DLGAP2: variants seen among roughly 807,000 people sequenced by gnomAD.
DLGAP2 encodes the protein disks large-associated protein 2.
In DLGAP2, 26 loss-of-function variants were observed where a neutral mutation model predicts 100.3. The observed-to-expected ratio is 0.26, with a 90% CI of 0.19 to 0.36. DLGAP2 has a LOEUF of 0.36. Ranked by LOEUF, DLGAP2 falls within the 10% of genes least tolerant of loss-of-function variation. DLGAP2 has a pLI of 1.00. For synonymous variants in DLGAP2, 886 were observed against 630.1 expected, an observed-to-expected ratio of 1.41 and a Z score of -6.08; for missense variants, 1,858 against 1,453.2, an observed-to-expected ratio of 1.28 and a Z score of -4.53.
At chr8:1,000,742 C>A (rs534534177) in intron 2 of DLGAP2, among the ~76,000 whole-genome samples, 1 of 152,144 alleles carries the variant, frequency 6.6e-6, no homozygotes, top group Non-Finnish European at 1.5e-5. Context: ...TACTCAACGT[C>A]GACTGCAGGG....
intron 2 of DLGAP2, among the ~76,000 whole-genome samples, chr8:1,119,864 G>T (rs1243788934): frequency 6.6e-6 from 1 of 152,176 alleles, no homozygotes; most frequent in Non-Finnish European, 1.5e-5. Context: ...ACAGTGAATG[G>T]GGTCCAGCAC....
intron 8 of DLGAP2, among the ~76,000 whole-genome samples, chr8:1,652,123 A>G (rs1798181033): frequency 6.6e-6 from 1 of 152,196 alleles, no homozygotes. Flanking sequence ...TTCTTTCCTA[A>G]ATGATTCCAT....
chr8:995,797 T>G (rs1482624473), intron 2 of DLGAP2, among the ~76,000 whole-genome samples: 1 of 151,766 alleles, frequency 6.6e-6, no homozygotes, highest in Non-Finnish European at 1.5e-5. Context: ...TCCCCCTGTT[T>G]GGTGATGCTG....
At chr8:1,480,686 C>CTAA (rs1187273409) in intron 3 of DLGAP2, among the ~76,000 whole-genome samples, 2 of 148,386 alleles carry the variant, frequency 1.3e-5, no homozygotes, top group African/African-American at 5.0e-5. Flanking sequence ...CCCATCTCTA[C>CTAA]TAATAATAAT....
In DLGAP2 at chr8:1,199,720, G is replaced by T. The variant is rs77522054; in HGVS notation, c.74-59131G>T. ...ATTTGCACTCGGTGGCTCTCACTCG[G>T]GCTGAATGTTTGTATCTAGGACACT... On this transcript the variant is annotated intron_variant, in intron 2 of 14. Coordinates refer to ENST00000637795, the MANE Select transcript of DLGAP2 (RefSeq NM_001346810.2). Among the ~76,000 whole-genome samples, 1,175 of 152,252 alleles carry T rather than the reference G, an allele frequency of 7.7e-3. 17 individuals carry two copies. The highest frequency in any genetic ancestry group is 0.026 in the African/African-American group (1,099 of 41,550).
intron 1 of DLGAP2, among the ~76,000 whole-genome samples, chr8:856,603 A>G (rs975103992): frequency 4.6e-5 from 7 of 152,358 alleles, no homozygotes; most frequent in African/African-American, 1.7e-4. Flanking sequence ...AGAATTTGAG[A>G]TTGAAAACAC....
intron 1 of DLGAP2, among the ~76,000 whole-genome samples, chr8:745,890 G>A (rs1006074074): frequency 4.6e-5 from 7 of 152,192 alleles, no homozygotes; most frequent in Non-Finnish European, 1.0e-4. Flanking sequence ...GAAGGATACC[G>A]ACTCCAGAAA....
At chr8:831,922 T>C (rs927535964) in intron 1 of DLGAP2, among the ~76,000 whole-genome samples, 4 of 152,176 alleles carry the variant, frequency 2.6e-5, no homozygotes, top group Admixed American at 2.6e-4. Context: ...TGGCGTGAGA[T>C]GGTATCTCAT....
rs1470815073 is a variant in DLGAP2, at chr8:1,668,567, G to C, written c.2049G>C (p.Gln683His). The C allele has an allele frequency of 1.3e-6, 2 of 1,591,812 alleles. No homozygotes were observed. The highest frequency in any genetic ancestry group is 8.5e-7 in the Non-Finnish European group (1 of 1,170,668). The change falls in exon 9 of 15, where the codon CAG becomes CAC. Residue 683 changes from glutamine to histidine, a missense_variant. By Grantham distance (24) the Gln-to-His change is conservative (BLOSUM62 0). Coordinates refer to ENST00000637795, the MANE Select transcript of DLGAP2 (RefSeq NM_001346810.2). ...MNLALETAAA[Q>H]RHLPESQSSS... Reference sequence around the variant, plus strand: ...TCGCGCTGGAAACGGCCGCTGCCCAGCGCCACCTGCCAGAGAGCCAGAGCA... The same window carrying C: ...TCGCGCTGGAAACGGCCGCTGCCCACCGCCACCTGCCAGAGAGCCAGAGCA...
intron 6 of DLGAP2, among the ~76,000 whole-genome samples, chr8:1,601,912 G>C (rs1046461417): frequency 1.3e-5 from 2 of 151,000 alleles, no homozygotes; most frequent in African/African-American, 2.4e-5. Flanking sequence ...TAGCTATGTA[G>C]TCACTTTTGA....
At chr8:1,623,692 GCACA>G (rs1797416065) in intron 6 of DLGAP2, among the ~76,000 whole-genome samples, 2 of 152,258 alleles carry the variant, frequency 1.3e-5, no homozygotes, top group Non-Finnish European at 2.9e-5. Context: ...TGGCACCAGT[GCACA>G]ATGACCTTGC....
At position 1,018,621 on chromosome 8, in the gene DLGAP2, C is replaced by T. The variant is rs79342419; in HGVS notation, c.73+110655C>T. 3.3e-3 allele frequency: 510 copies of T among 152,356 alleles called. 3 individuals carry two copies. The highest frequency in any genetic ancestry group is 0.012 in the African/African-American group (485 of 41,578). The allele number at this position is 152,356 out of a possible 1,614,324, so 9.4% of individuals were successfully genotyped here. A position where few individuals can be genotyped will look rare whatever the true frequency, so the allele number is the denominator to read the frequency against. On this transcript the variant is annotated intron_variant, in intron 2 of 14. Transcript: ENST00000637795. Reference sequence around the variant, plus strand: ...GCAGAAATTAAAGTTTATCTGTCCTCATAATTACGTTGAGGTCTCCTACAT... The same window carrying T: ...GCAGAAATTAAAGTTTATCTGTCCTTATAATTACGTTGAGGTCTCCTACAT...
chr8:1,490,655 T>C (rs1799352171), intron 3 of DLGAP2, among the ~76,000 whole-genome samples: 1 of 152,158 alleles, frequency 6.6e-6, no homozygotes, highest in Admixed American at 6.5e-5. Flanking sequence ...TCCTCCCTTA[T>C]TGGTGGCCTC....
intron 3 of DLGAP2, among the ~76,000 whole-genome samples, chr8:1,411,962 C>T (rs145999579): frequency 3.2e-4 from 48 of 152,266 alleles, no homozygotes; most frequent in Middle Eastern, 3.4e-3. Context: ...GACACATGCT[C>T]CGAAAACCTA....
chr8:1,022,304 C>T (rs1311321494), intron 2 of DLGAP2, among the ~76,000 whole-genome samples: 7 of 149,036 alleles, frequency 4.7e-5, no homozygotes, highest in Non-Finnish European at 1.0e-4. Flanking sequence ...ATGCTCCAAA[C>T]AGCACCCACC....
chr8:1,691,394 C>T (rs1799256326), intron 12 of DLGAP2, 141 bp from the exon 13 acceptor site: 7 of 668,594 alleles, frequency 1.0e-5, no homozygotes, highest in Admixed American at 8.3e-5. Flanking sequence ...CACGAGTCAC[C>T]AGCGAACACG....
intron 1 of DLGAP2, among the ~76,000 whole-genome samples, chr8:759,161 C>G (rs112675261): frequency 4.5e-3 from 345 of 76,044 alleles, no homozygotes; most frequent in African/African-American, 9.4e-3. Flanking sequence ...CAATACCCCC[C>G]ACAGCCTTCC....
intron 2 of DLGAP2, among the ~76,000 whole-genome samples, chr8:973,425 C>T (rs1047181018): frequency 2.6e-5 from 4 of 151,566 alleles, no homozygotes; most frequent in Non-Finnish European, 5.9e-5. Context: ...CGCTCCTCAC[C>T]TCCCAGACGG....
At chr8:1,455,925 T>C (rs189604983) in intron 3 of DLGAP2, among the ~76,000 whole-genome samples, 15 of 152,302 alleles carry the variant, frequency 9.8e-5, no homozygotes, top group Non-Finnish European at 2.1e-4. Flanking sequence ...TCAACATGAC[T>C]GAGAGGCTGG....
Sources: allele counts gnomAD v4.1 joint callset (sites outside exome capture counted in the v4.1 genomes callset), GRCh38; gene constraint gnomAD v4.1.1; transcripts MANE v1.5; gene names NCBI Gene and HGNC (gene_info 2026-07-23, HGNC 2026-07-21).